SFMBT1: variants seen among roughly 807,000 people sequenced by gnomAD.
The protein encoded by SFMBT1 is Scm like with four mbt domains 1.
A neutral mutation model predicts 108.7 loss-of-function variants in SFMBT1; 32 were observed. The observed-to-expected ratio is 0.29, with a 90% CI of 0.22 to 0.40. The LOEUF is 0.40. SFMBT1 is among the 10% of genes least tolerant of loss of function. SFMBT1 has a pLI of 1.00. For missense variants in SFMBT1, 816 were observed against 1,059.6 expected, an observed-to-expected ratio of 0.77 and a Z score of 3.19; for synonymous variants, 348 against 369.5, an observed-to-expected ratio of 0.94 and a Z score of 0.67.
intron 1 of SFMBT1, among the ~76,000 whole-genome samples, chr3:53,042,328 C>T (rs1315822267): frequency 6.6e-6 from 1 of 152,102 alleles, no homozygotes; most frequent in East Asian, 1.9e-4. Flanking sequence ...TATGGATAGG[C>T]AAATCATACT....
Position 52,990,672 on chromosome 3 carries a change from G to C in SFMBT1, c.-130-21414C>G, listed in dbSNP as rs187865524. ...AAGAAAAAGTTGAGCAAGAAAGAGA[G>C]GAAAGGGAGGGAGAGAAGAAGGAAA... On this transcript the variant is annotated intron_variant, in intron 1 of 20. Coordinates refer to ENST00000394752, the MANE Select transcript of SFMBT1 (RefSeq NM_016329.4). 6.6e-5 allele frequency among the ~76,000 whole-genome samples: 10 copies of C among 152,154 alleles called. No homozygotes were observed. The East Asian group carries it at 7.7e-4, about 12-fold the overall frequency.
chr3:52,930,946 A>G lies in SFMBT1; in HGVS notation c.790T>C (p.Phe264Leu). ...ATCACATGTTTTGTTTTTACCTTAA[A>G]TAAGTAAGATGGTAATGGCTCTTCC... ...EEEEPLPSYL[F>L]KDKQVIGIHT... is the part of the protein sequence containing the mutation. The change falls in exon 7 of 21, where the codon TTT becomes CTT. Residue 264 changes from phenylalanine (F) to leucine (L), a missense_variant. Physicochemically the swap from Phe to Leu is conservative, Grantham distance 22 (BLOSUM62 0). Coordinates refer to ENST00000394752, the MANE Select transcript of SFMBT1 (RefSeq NM_016329.4). 6.2e-7 allele frequency: 1 copy of G among 1,613,800 alleles called. No individual in the cohort carries two copies.
chr3:52,923,436 G>A (rs1482990948), intron 10 of SFMBT1, among the ~76,000 whole-genome samples: 4 of 151,838 alleles, frequency 2.6e-5, no homozygotes, highest in South Asian at 4.2e-4. Context: ...GTGTGGTGGC[G>A]GGCCCTATAA....
In SFMBT1 at chr3:52,931,031, A is replaced by G. The variant is rs1358776260; in HGVS notation, c.705T>C (p.Ile235=). The G allele has an allele frequency of 6.2e-7, 1 of 1,613,504 alleles. No homozygotes were observed. Among genetic ancestry groups the G allele is most frequent in the Non-Finnish European group, 8.5e-7 (1 of 1,179,462 alleles). ...ACTCAGCTTCATTTTTTAGATGTCT[A>G]ATGGCTTTAATAAAACATGACAACA... ...QGYELQPPSA[I]RHLKNEAEWQ... Residue 235 remains isoleucine (I), a synonymous_variant, in exon 7 of 21, where the codon ATT becomes ATC. Transcript: ENST00000394752.
At chr3:52,922,874 G>A (rs537885117) in intron 10 of SFMBT1, among the ~76,000 whole-genome samples, 4 of 152,298 alleles carry the variant, frequency 2.6e-5, no homozygotes, top group African/African-American at 9.6e-5. Flanking sequence ...ACTGCTGAGA[G>A]GCCCAGCCCT....
intron 2 of SFMBT1, among the ~76,000 whole-genome samples, chr3:52,959,255 C>G (rs1174798186): frequency 6.6e-6 from 1 of 152,130 alleles, no homozygotes; most frequent in Non-Finnish European, 1.5e-5. Context: ...ACCTGCACAT[C>G]CTGCACATGT....
intron 1 of SFMBT1, among the ~76,000 whole-genome samples, chr3:52,986,774 C>CAA (rs57437185): frequency 4.2e-5 from 3 of 70,802 alleles, no homozygotes; most frequent in African/African-American, 5.4e-5. Flanking sequence ...GACTCTGTCT[C>CAA]AAAAAAAAAA....
chr3:52,991,967 G>A (rs1705148605), intron 1 of SFMBT1, among the ~76,000 whole-genome samples: 1 of 152,196 alleles, frequency 6.6e-6, no homozygotes, highest in Non-Finnish European at 1.5e-5. Flanking sequence ...CCATCCCCGA[G>A]GAGGAGATTG....
At chr3:52,933,067 A>G (rs1416021892) in intron 5 of SFMBT1, among the ~76,000 whole-genome samples, 1 of 152,224 alleles carries the variant, frequency 6.6e-6, no homozygotes, top group East Asian at 1.9e-4. Flanking sequence ...CTTTTTCTCC[A>G]TACAAGTCAA....
chr3:52,947,064 G>A (rs139768885), intron 3 of SFMBT1, among the ~76,000 whole-genome samples: 7 of 150,858 alleles, frequency 4.6e-5, no homozygotes, highest in Middle Eastern at 3.5e-3. Context: ...GAGTCACCAC[G>A]CCTGGCTCCT....
intron 1 of SFMBT1, among the ~76,000 whole-genome samples, chr3:53,004,041 G>C (rs983849930): frequency 3.3e-5 from 5 of 149,862 alleles, no homozygotes; most frequent in Admixed American, 2.7e-4. Context: ...ATCTTTTAAA[G>C]TTATAGATAT....
rs1484262230 is a variant in SFMBT1 at position 52,995,199 on chromosome 3, A to G, written c.-130-25941T>C. Among the ~76,000 whole-genome samples, 3 of 149,894 alleles carry G rather than the reference A, an allele frequency of 2.0e-5. 1 individual carries two copies. The highest frequency in any genetic ancestry group is 4.5e-5 in the Non-Finnish European group (3 of 67,000). On this transcript the variant is annotated intron_variant, in intron 1 of 20. Transcript: ENST00000394752. Reference sequence around the variant, plus strand: ...CCAAAGGTAATTCAATGGAAATGGAAAAAGGATAGTATTTTCAACAAATGG... The same window carrying G: ...CCAAAGGTAATTCAATGGAAATGGAGAAAGGATAGTATTTTCAACAAATGG...
chr3:52,906,975 AAAG>A, intron 19 of SFMBT1, 91 bp downstream of exon 19: 1 of 1,446,162 alleles, frequency 6.9e-7, no homozygotes, highest in East Asian at 2.3e-5. Flanking sequence ...GTCTGTATTG[AAAG>A]AAGTAGAATG....
chr3:52,988,416 T>C (rs1367924740), intron 1 of SFMBT1, among the ~76,000 whole-genome samples: 1 of 152,070 alleles, frequency 6.6e-6, no homozygotes, highest in Admixed American at 6.5e-5. Context: ...GGTCAGTCCC[T>C]CAAGAACACC....
At chr3:52,928,653 TACACATATATAC>T (rs1435906174) in intron 8 of SFMBT1, among the ~76,000 whole-genome samples, 9 of 18,036 alleles carry the variant, frequency 5.0e-4, no homozygotes, top group East Asian at 3.6e-3. Flanking sequence ...TATATATATA[TACACATATATAC>T]ATATATACAC....
chr3:52,937,432 A>C (rs1461876692), intron 4 of SFMBT1, among the ~76,000 whole-genome samples: 1 of 152,172 alleles, frequency 6.6e-6, no homozygotes, highest in Non-Finnish European at 1.5e-5. Context: ...CTAAACATTT[A>C]ATTTTGCTTT....
intron 1 of SFMBT1, among the ~76,000 whole-genome samples, chr3:53,025,322 T>C (rs1699450028): frequency 6.6e-6 from 1 of 152,186 alleles, no homozygotes; most frequent in Admixed American, 6.5e-5. Context: ...TCAAAACATA[T>C]TTCAGGCTGG....
intron 1 of SFMBT1, among the ~76,000 whole-genome samples, chr3:53,028,176 G>C (rs1287067359): frequency 6.6e-6 from 1 of 152,162 alleles, no homozygotes; most frequent in East Asian, 1.9e-4. Flanking sequence ...CTTGGAGGCA[G>C]ATTCAAGTGA....
intron 1 of SFMBT1, among the ~76,000 whole-genome samples, chr3:53,031,763 T>C (rs777860144): frequency 4.5e-4 from 69 of 152,140 alleles, no homozygotes; most frequent in Non-Finnish European, 8.7e-4. Context: ...GAGCTTACAA[T>C]AGTAAATGAA....
Sources: allele counts gnomAD v4.1 joint callset (sites outside exome capture counted in the v4.1 genomes callset), GRCh38; gene constraint gnomAD v4.1.1; transcripts MANE v1.5; gene names NCBI Gene and HGNC (gene_info 2026-07-23, HGNC 2026-07-21).